CTNNA2: variants seen among roughly 807,000 people sequenced by gnomAD.
The protein encoded by CTNNA2 is catenin alpha 2.
In CTNNA2, 42 loss-of-function variants were observed where a neutral mutation model predicts 101.0. The ratio of observed to expected loss-of-function variants is 0.42; its 90% CI spans 0.32 to 0.54. CTNNA2 has a LOEUF of 0.54. Among genes scored for constraint, CTNNA2 ranks in the 20% least tolerant of loss-of-function variants. The pLI, the probability that CTNNA2 is intolerant of heterozygous loss-of-function variation, is 0.14. For synonymous variants in CTNNA2, 450 were observed against 456.4 expected, an observed-to-expected ratio of 0.99 and a Z score of 0.18; for missense variants, 871 against 1,223.1, an observed-to-expected ratio of 0.71 and a Z score of 4.29.
intron 2 of CTNNA2, among the ~76,000 whole-genome samples, chr2:79,717,524 C>T (rs904486214): frequency 4.6e-5 from 7 of 152,112 alleles, no homozygotes; most frequent in Non-Finnish European, 1.0e-4. Flanking sequence ...CAAGAGAAGC[C>T]ACTGGAGGGA....
chr2:80,068,000 T>C (rs1459138651), intron 7 of CTNNA2, among the ~76,000 whole-genome samples: 3 of 152,214 alleles, frequency 2.0e-5, no homozygotes, highest in African/African-American at 7.2e-5. Context: ...GCTCCCTGAC[T>C]TCTGATCCAC....
intron 9 of CTNNA2, among the ~76,000 whole-genome samples, chr2:80,452,308 T>A (rs2149458475): frequency 6.6e-6 from 1 of 151,686 alleles, no homozygotes; most frequent in African/African-American, 2.4e-5. Flanking sequence ...CAACAAATAT[T>A]CTTTGTGTCT....
rs532319356 is a variant in CTNNA2, at chr2:79,724,901, G to A, written c.103-19486G>A. ...AGGCTTGTCTGCAGCACATCAGCAC[G>A]TCTACTCTGCGGTACTCCCTGGTCT... is the stretch of plus-strand genomic sequence containing the variant. On this transcript the variant is annotated intron_variant, in intron 2 of 18. Coordinates refer to ENST00000402739, the MANE Select transcript of CTNNA2 (RefSeq NM_001282597.3). 2.7e-5 allele frequency among the ~76,000 whole-genome samples: 4 copies of A among 150,904 alleles called. 1 individual carries two copies. The highest frequency in any genetic ancestry group is 7.3e-5 in the African/African-American group (3 of 41,020).
intron 9 of CTNNA2, among the ~76,000 whole-genome samples, chr2:80,532,338 T>A (rs1385313599): frequency 6.6e-6 from 1 of 152,180 alleles, no homozygotes; most frequent in East Asian, 1.9e-4. Flanking sequence ...TCTTGCACCC[T>A]CTAGCTCCAT....
intron 7 of CTNNA2, among the ~76,000 whole-genome samples, chr2:79,934,193 A>C (rs1034132793): frequency 6.6e-6 from 1 of 152,238 alleles, no homozygotes; most frequent in Non-Finnish European, 1.5e-5. Flanking sequence ...AATACATTTT[A>C]AAAAGAAATT....
intron 3 of CTNNA2, among the ~76,000 whole-genome samples, chr2:79,836,734 C>T (rs375107073): frequency 2.6e-5 from 4 of 152,086 alleles, no homozygotes; most frequent in Admixed American, 6.6e-5. Flanking sequence ...TATGTGATCT[C>T]CCCTTGTATT....
intron 7 of CTNNA2, among the ~76,000 whole-genome samples, chr2:80,357,011 T>C (rs1023275945): frequency 3.9e-5 from 6 of 152,224 alleles, no homozygotes; most frequent in Non-Finnish European, 8.8e-5. Context: ...TAGATAGCAG[T>C]GTTAACTTCA....
chr2:79,840,658 G>A (rs1679726643), intron 3 of CTNNA2, among the ~76,000 whole-genome samples: 1 of 151,986 alleles, frequency 6.6e-6, no homozygotes, highest in Non-Finnish European at 1.5e-5. Context: ...TTCTTGGCTG[G>A]GTACAGTAGC....
chr2:79,379,001 A>G (rs2104461409), intron 4 of CTNNA2, among the ~76,000 whole-genome samples: 1 of 152,172 alleles, frequency 6.6e-6, no homozygotes, highest in South Asian at 2.1e-4. Flanking sequence ...CCTCAGTACC[A>G]CTTGTTTTCC....
chr2:80,305,257 T>G (rs1422833542), intron 7 of CTNNA2: 1 of 985,154 alleles, frequency 1.0e-6, no homozygotes, highest in African/African-American at 1.7e-5. Context: ...GGGAAATGCT[T>G]TCCAAACCCA....
intron 3 of CTNNA2, among the ~76,000 whole-genome samples, chr2:79,772,543 T>C (rs1326229019): frequency 6.6e-6 from 1 of 152,190 alleles, no homozygotes; most frequent in Non-Finnish European, 1.5e-5. Context: ...TTTTGTTGAC[T>C]CTCTGCCTTG....
intron 7 of CTNNA2, among the ~76,000 whole-genome samples, chr2:80,308,788 A>G (rs1247362656): frequency 3.3e-5 from 5 of 152,150 alleles, no homozygotes; most frequent in Non-Finnish European, 7.3e-5. Flanking sequence ...ATAAATAGAA[A>G]TGCAAGTTCT....
chr2:79,653,898 C>A (rs1337818674), intron 2 of CTNNA2, among the ~76,000 whole-genome samples: 2 of 152,192 alleles, frequency 1.3e-5, no homozygotes, highest in Non-Finnish European at 2.9e-5. Context: ...GCTGAGCTTT[C>A]TGCCACTATG....
chr2:79,667,978 C>T (rs993894765), intron 2 of CTNNA2, among the ~76,000 whole-genome samples: 8 of 152,006 alleles, frequency 5.3e-5, no homozygotes, highest in East Asian at 3.9e-4. Context: ...CGGTGGCTCA[C>T]GCCTGTAATC....
chr2:80,494,103 G>A (rs1394360407), intron 9 of CTNNA2, among the ~76,000 whole-genome samples: 3 of 152,164 alleles, frequency 2.0e-5, no homozygotes, highest in African/African-American at 7.2e-5. Flanking sequence ...AGAACAGGAG[G>A]GTTGTATTAA....
At chr2:80,080,451 T>C (rs779410117) in intron 7 of CTNNA2, among the ~76,000 whole-genome samples, 2 of 152,128 alleles carry the variant, frequency 1.3e-5, no homozygotes, top group African/African-American at 4.8e-5. Flanking sequence ...CTTTACTAAA[T>C]GTACAAAAAT....
At chr2:80,508,285 G>C (rs1178059489) in intron 9 of CTNNA2, among the ~76,000 whole-genome samples, 4 of 152,030 alleles carry the variant, frequency 2.6e-5, no homozygotes, top group African/African-American at 4.8e-5. Context: ...ACCAGCCTGG[G>C]TAATATGGTG....
intron 1 of CTNNA2, among the ~76,000 whole-genome samples, chr2:79,527,622 A>C (rs1472844162): frequency 7.0e-6 from 1 of 142,922 alleles, no homozygotes; most frequent in Non-Finnish European, 1.5e-5. Flanking sequence ...ACTTTGTCTC[A>C]AAAAAAAAAA....
At chr2:80,337,107 G>A (rs1441480568) in intron 7 of CTNNA2, among the ~76,000 whole-genome samples, 1 of 152,144 alleles carries the variant, frequency 6.6e-6, no homozygotes, top group African/African-American at 2.4e-5. Flanking sequence ...TGTAATCCCA[G>A]CACTTTGGGA....
Sources: allele counts gnomAD v4.1 joint callset (sites outside exome capture counted in the v4.1 genomes callset), GRCh38; gene constraint gnomAD v4.1.1; transcripts MANE v1.5; gene names NCBI Gene and HGNC (gene_info 2026-07-23, HGNC 2026-07-21).